The following LRRC43 variants were observed in gnomAD, a reference collection of about 807,000 sequenced individuals.
The protein encoded by LRRC43 is leucine-rich repeat-containing protein 43.
A neutral mutation model predicts 64.3 loss-of-function variants in LRRC43; 62 were observed. That is an observed-to-expected ratio of 0.96 (90% CI 0.79 to 1.19). The LOEUF is 1.19. LRRC43 is among the 50% of genes most tolerant of loss of function. The pLI, the probability that LRRC43 is intolerant of heterozygous loss-of-function variation, is 0.00. For synonymous variants in LRRC43, 422 were observed against 382.3 expected (o/e 1.10, Z -1.21); for missense variants, 868 against 845.0 (o/e 1.03, Z -0.34).
chr12:122,193,695 G>A (rs1953746665), intron 7 of LRRC43, among the ~76,000 whole-genome samples: 1 of 152,140 alleles, frequency 6.6e-6, no homozygotes, highest in South Asian at 2.1e-4. Context: ...CTACAGTTGG[G>A]ACTACAGGCA....
rs1344431618 is a variant in LRRC43 at position 122,200,569 on chromosome 12, GTCCC to G, written c.1530_1533del (p.Pro511CysfsTer34). On this transcript the variant is annotated frameshift_variant, in exon 9 of 12. Coordinates refer to ENST00000339777, the MANE Select transcript of LRRC43 (RefSeq NM_001098519.2). LOFTEE classifies it high-confidence loss of function. This position sits in a 1 kb window ranked among gnomAD's most constrained non-coding sequence, Gnocchi z 4.6. ...CCTGTGGTGCTACCTGCTGTTGACA[GTCCC>G]CTGTCTGCCAAGAAAGGAAAGGGGG... 2 of 1,614,034 alleles carry G rather than the reference GTCCC, an allele frequency of 1.2e-6. No individual in the cohort carries two copies. Among genetic ancestry groups the G allele is most frequent in the Admixed American group, 3.3e-5 (2 of 60,004 alleles).
chr12:122,187,701 G>A lies in LRRC43; in HGVS notation c.523G>A (p.Val175Met), dbSNP rs749899890. ...CCGGGCCTTCCGTGTGGTCTCCCAG[G>A]TGCTGGAGCTCTACGGCAATGAGAT... ...DATNLPPTLK[V>M]LELYGNEISS... The change falls in exon 4 of 12, where the codon GTG becomes ATG. Residue 175 changes from valine (V) to methionine (M), a missense_variant and splice_region_variant. Transcript: ENST00000339777. 8.7e-6 allele frequency: 14 copies of A among 1,613,270 alleles called. No homozygotes were observed. Among genetic ancestry groups the A allele is most frequent in the Non-Finnish European group, 1.2e-5 (14 of 1,180,000 alleles).
intron 5 of LRRC43, 85 bp downstream of exon 5, chr12:122,190,453 A>C (rs1593149404): frequency 9.1e-7 from 1 of 1,098,588 alleles, no homozygotes. Context: ...GGGTCCGTGT[A>C]CCCGTCTGTC....
At chr12:122,168,077 C>T (rs1240160045) in intron 1 of LRRC43, among the ~76,000 whole-genome samples, 2 of 147,406 alleles carry the variant, frequency 1.4e-5, no homozygotes, top group African/African-American at 2.5e-5. Flanking sequence ...AGCCTCCCAA[C>T]GTGCTGGGAT....
chr12:122,172,675 G>T, intron 1 of LRRC43: 1 of 1,614,142 alleles, frequency 6.2e-7, no homozygotes, highest in Non-Finnish European at 8.5e-7. Flanking sequence ...TTTGGCGGCT[G>T]GGCGTCAGGG....
At chr12:122,192,177 G>A (rs1485215015) in intron 6 of LRRC43, among the ~76,000 whole-genome samples, 5 of 151,360 alleles carry the variant, frequency 3.3e-5, no homozygotes, top group South Asian at 2.1e-4. Context: ...TCGCTCTGTC[G>A]CTCAGGCTGG....
At chr12:122,187,648 C>G in intron 3 of LRRC43, 53 bp from the exon 4 acceptor site, 1 of 1,580,396 alleles carries the variant, frequency 6.3e-7, no homozygotes, top group South Asian at 1.1e-5. Context: ...GGGCCTGATC[C>G]TCAGCGCTGA....
upstream of LRRC43, among the ~76,000 whole-genome samples, chr12:122,179,755 G>A (rs886947515): frequency 3.6e-4 from 55 of 151,588 alleles, no homozygotes; most frequent in African/African-American, 1.2e-3. Flanking sequence ...GGCGGATCAC[G>A]AGGTCAAAAG....
rs768007696 is a variant in LRRC43, at chr12:122,190,269, G to A, written c.802G>A (p.Gly268Ser). The change falls in exon 5 of 12, where the codon GGC becomes AGC. Residue 268 changes from glycine to serine, a missense_variant. Gly to Ser is a moderately conservative substitution (Grantham distance 56). Coordinates refer to ENST00000339777, the MANE Select transcript of LRRC43 (RefSeq NM_001098519.2). ...NPLALVPYYR[G>S]LTIDSLAQLC... ...ACTGGCCTTGGTGCCCTACTACCGC[G>A]GCCTCACCATCGACAGCCTGGCCCA... 36 of 1,614,172 alleles carry A rather than the reference G, an allele frequency of 2.2e-5. No homozygotes were observed. The highest frequency in any genetic ancestry group is 1.1e-4 in the East Asian group (5 of 44,878).
rs527456159 is a variant in LRRC43, at chr12:122,200,629, G to A, written c.1589G>A (p.Arg530Lys). The A allele has an allele frequency of 3.9e-6, 6 of 1,529,762 alleles. No homozygotes were observed. The highest frequency in any genetic ancestry group is 2.2e-5 in the East Asian group (1 of 44,864). 94.8% of individuals were successfully genotyped at this position (1,529,762 alleles called of 1,614,324 possible). Residue 530 changes from arginine (R) to lysine (K), a missense_variant, in exon 9 of 12, where the codon AGG becomes AAG. Transcript: ENST00000339777. The surrounding 1 kb of genome is among the most constrained non-coding windows in gnomAD (Gnocchi z 4.6). The part of the protein sequence containing the change: ...EKDKKGKEKD[R>K]TGKGEKEPAK... ...GACAAGAAAGGGAAGGAGAAAGACA[G>A]GACGGGGAAAGGAGAGAAAGAGCCG... is the stretch of plus-strand genomic sequence containing the variant.
intron 4 of LRRC43, 59 bp downstream of exon 4, chr12:122,187,899 A>T (rs1953665894): frequency 6.4e-7 from 1 of 1,566,006 alleles, no homozygotes. Flanking sequence ...GGTTGGGGCG[A>T]TTCTACCCCA....
rs200144009 is a variant in LRRC43 at position 122,192,990 on chromosome 12, C to T, written c.1335C>T (p.Leu445=). 4 of 1,613,678 alleles carry T rather than the reference C, an allele frequency of 2.5e-6. No homozygotes were observed. In the African/African-American group the frequency reaches 5.3e-5, roughly 22 times the overall value. ...TGAGGCTGCGTATAGATCCCCGGCT[C>T]TGCCCGTCCCCAGGGTAAGGATGGA... ...AKLRLRIDPR[L]CPSPGTVLFS... Residue 445 remains leucine (L), a synonymous_variant, in exon 7 of 12, where the codon CTC becomes CTT. Transcript: ENST00000339777.
At chr12:122,182,980 T>G (rs1196640661), upstream of LRRC43, 3 of 1,159,616 alleles carry the variant, frequency 2.6e-6, no homozygotes, top group Non-Finnish European at 3.4e-6. Context: ...CACCAGCTGT[T>G]ATCCCATTTT....
chr12:122,193,379 C>CA (rs1454068315), intron 7 of LRRC43, among the ~76,000 whole-genome samples: 1 of 44,046 alleles, frequency 2.3e-5, no homozygotes, highest in African/African-American at 1.1e-4. Context: ...GACTCCGTCT[C>CA]ATAAAAAAAA....
intron 7 of LRRC43, among the ~76,000 whole-genome samples, chr12:122,195,576 A>G (rs545667250): frequency 2.6e-5 from 4 of 152,086 alleles, no homozygotes; most frequent in South Asian, 2.1e-4. Context: ...CAGCCTGCCT[A>G]CTGGCCTCCA....
At chr12:122,187,523 C>T in intron 3 of LRRC43, 178 bp from the exon 4 acceptor site, 2 of 564,954 alleles carry the variant, frequency 3.5e-6, no homozygotes, top group Non-Finnish European at 6.3e-6. Context: ...TTCCCAAGAC[C>T]TGCTGCAGGA....
Position 122,200,527 on chromosome 12 carries a change from C to G in LRRC43, c.1492-5C>G, listed in dbSNP as rs1432196959. On this transcript the variant is annotated splice_region_variant and splice_polypyrimidine_tract_variant and intron_variant, in intron 8 of 11. Coordinates refer to ENST00000339777, the MANE Select transcript of LRRC43 (RefSeq NM_001098519.2). The surrounding 1 kb of genome is among the most constrained non-coding windows in gnomAD (Gnocchi z 4.6). Reference sequence around the variant, plus strand: ...GCTCACTCGAGGATTCTCTCCTGCCCCTAGATTCTCTCCTGGCCTGTGGTG... The same window carrying G: ...GCTCACTCGAGGATTCTCTCCTGCCGCTAGATTCTCTCCTGGCCTGTGGTG... 6.2e-7 allele frequency: 1 copy of G among 1,614,058 alleles called. No individual in the cohort carries two copies. The highest frequency in any genetic ancestry group is 8.5e-7 in the Non-Finnish European group (1 of 1,180,016).
rs529487829 is a variant in LRRC43 at position 122,176,707 on chromosome 12, T to C, written c.-405-7812T>C. ...TCTCACTTTGTCGCACAGGCAGGAG[T>C]GAAGTGGCGCAATCTCAGCTCACTG... On this transcript the variant is annotated intron_variant, in intron 1 of 5. Coordinates refer to the LRRC43 transcript ENST00000537729. 5.3e-5 allele frequency among the ~76,000 whole-genome samples: 8 copies of C among 150,860 alleles called. No homozygotes were observed. The East Asian group carries it at 1.6e-3, about 29-fold the overall frequency.
chr12:122,172,645 T>C, intron 1 of LRRC43: 1 of 1,614,176 alleles, frequency 6.2e-7, no homozygotes, highest in Non-Finnish European at 8.5e-7. Context: ...TATGCCCGGA[T>C]GGCTGGGCTG....
Sources: allele counts gnomAD v4.1 joint callset (sites outside exome capture counted in the v4.1 genomes callset), GRCh38; gene constraint gnomAD v4.1.1; non-coding constraint Gnocchi (gnomAD v3.1); transcripts MANE v1.5; gene names NCBI Gene and HGNC (gene_info 2026-07-23, HGNC 2026-07-21).